The following NFIB variants were observed in gnomAD, a reference collection of about 807,000 sequenced individuals.
The protein encoded by NFIB is nuclear factor I B, also known as nuclear factor 1 B-type.
Under a neutral mutation model 61.5 loss-of-function variants are expected in NFIB, and 11 were observed. The ratio of observed to expected loss-of-function variants is 0.18; its 90% confidence interval spans 0.11 to 0.30. The LOEUF (loss-of-function observed/expected upper bound fraction) is 0.30, where lower values mean the gene tolerates loss of function less well. NFIB is among the 10% of genes least tolerant of loss of function. The pLI is 1.00. For synonymous variants in NFIB, 260 were observed against 216.5 expected, an observed-to-expected ratio of 1.20 and a Z score of -1.76; for missense variants, 471 against 608.9, an observed-to-expected ratio of 0.77 and a Z score of 2.38.
chr9:14,499,157 C>T, the NFIB span, among the ~76,000 whole-genome samples: 1 of 151,992 alleles, frequency 6.6e-6, no homozygotes, highest in African/African-American at 2.4e-5. Context: ...CCATTTATGC[C>T]AGCAAATATA....
intron 1 of NFIB, among the ~76,000 whole-genome samples, chr9:14,350,280 G>A (rs2061090672): frequency 6.6e-6 from 1 of 152,208 alleles, no homozygotes; most frequent in African/African-American, 2.4e-5. Flanking sequence ...AAGTGGTTAG[G>A]CATTCAGGGC....
chr9:14,226,983 C>CAA (rs112417105), intron 2 of NFIB, among the ~76,000 whole-genome samples: 2 of 150,726 alleles, frequency 1.3e-5, no homozygotes, highest in Non-Finnish European at 3.0e-5. Flanking sequence ...CTAATAAATA[C>CAA]AAAAAAAATT....
At chr9:14,495,446 C>CTGTTTTTTTTTT in the NFIB span, among the ~76,000 whole-genome samples, 1 of 117,264 alleles carries the variant, frequency 8.5e-6, no homozygotes, top group Non-Finnish European at 1.7e-5. Flanking sequence ...GAGAAATGAA[C>CTGTTTTTTTTTT]TTTTTTTTTT....
chr9:14,249,288 G>A (rs1053736778), intron 2 of NFIB, among the ~76,000 whole-genome samples: 3 of 152,108 alleles, frequency 2.0e-5, no homozygotes, highest in Non-Finnish European at 4.4e-5. Flanking sequence ...TAAACAAATT[G>A]CCCAAGTTTA....
the NFIB span, among the ~76,000 whole-genome samples, chr9:14,407,164 G>T: frequency 2.6e-5 from 4 of 152,008 alleles, no homozygotes; most frequent in African/African-American, 9.7e-5. Context: ...AACCTTCCTC[G>T]ACACAGTCAT....
At chr9:14,260,323 C>G (rs865934662) in intron 2 of NFIB, among the ~76,000 whole-genome samples, 1 of 152,282 alleles carries the variant, frequency 6.6e-6, no homozygotes, top group African/African-American at 2.4e-5. Flanking sequence ...GAGGCCCAAT[C>G]CAAGCACTCA....
chr9:14,457,870 A>C, the NFIB span, among the ~76,000 whole-genome samples: 1 of 152,206 alleles, frequency 6.6e-6, no homozygotes, highest in Non-Finnish European at 1.5e-5. Flanking sequence ...TTGAGGCAAT[A>C]ATTAATAGCT....
intron 1 of NFIB, among the ~76,000 whole-genome samples, chr9:14,394,997 G>T (rs1454306873): frequency 1.3e-5 from 2 of 151,984 alleles, no homozygotes; most frequent in African/African-American, 4.8e-5. Flanking sequence ...ACCTCCTCTG[G>T]TCCACTCAAT....
At chr9:14,182,146 G>A (rs972607919) in intron 2 of NFIB, among the ~76,000 whole-genome samples, 2 of 152,082 alleles carry the variant, frequency 1.3e-5, no homozygotes, top group Admixed American at 6.6e-5. Context: ...TCCAACAACT[G>A]CAGACCAACT....
At chr9:14,324,409 C>G (rs918192427) in intron 1 of NFIB, among the ~76,000 whole-genome samples, 3 of 152,136 alleles carry the variant, frequency 2.0e-5, no homozygotes, top group Admixed American at 1.3e-4. Context: ...GTAACACTTG[C>G]ATGGGCAGTG....
chr9:14,319,979 TAACTACAC>T (rs796681594), intron 1 of NFIB, among the ~76,000 whole-genome samples: 20 of 152,364 alleles, frequency 1.3e-4, no homozygotes, highest in African/African-American at 4.3e-4. Flanking sequence ...TCTGAAATTT[TAACTACAC>T]AAGCCAATAA....
In NFIB at chr9:14,141,532, A is replaced by G. The variant is rs146672710; in HGVS notation, c.925+5157T>C. On this transcript the variant is annotated intron_variant, in intron 6 of 10. Transcript: ENST00000380953. ...ATAATCTTATTTATTTTAGTCCCCG[A>G]TTTTTCTAAATAGTAAAAGTTACTT... Among the ~76,000 whole-genome samples the G allele has an allele frequency of 5.5e-3, 837 of 152,130 alleles. 9 individuals are homozygous for G. The highest frequency in any genetic ancestry group is 0.018 in the African/African-American group (733 of 41,520).
At position 14,082,336 on chromosome 9, in the gene NFIB, T is replaced by C. The variant is rs1008246243; in HGVS notation, c.*5973A>G. On this transcript the variant is annotated 3_prime_UTR_variant, in exon 11 of 11. Transcript: ENST00000380953. Reference sequence around the variant, plus strand: ...AAGCAATAACTGACTACTCGTCACCTACAGTTGTACTAAATGTATCTAAAG... The same window carrying C: ...AAGCAATAACTGACTACTCGTCACCCACAGTTGTACTAAATGTATCTAAAG... The C allele has an allele frequency of 4.9e-6, 1 of 205,280 alleles. No homozygotes were observed. Among genetic ancestry groups the C allele is most frequent in the Admixed American group, 6.0e-5 (1 of 16,784 alleles). 12.7% of individuals were successfully genotyped at this position (205,280 alleles called of 1,614,324 possible).
At chr9:14,257,642 G>A (rs1213441034) in intron 2 of NFIB, among the ~76,000 whole-genome samples, 2 of 152,138 alleles carry the variant, frequency 1.3e-5, no homozygotes, top group African/African-American at 4.8e-5. Context: ...TGTAATCCCA[G>A]CTACTTGGGA....
the NFIB span, among the ~76,000 whole-genome samples, chr9:14,414,159 C>T: frequency 0.18 from 28,031 of 151,922 alleles, 2,729 homozygotes; most frequent in African/African-American, 0.21. Context: ...AGATATGGGC[C>T]GGGTGTGGTG....
chr9:14,301,381 C>G (rs564027360), intron 2 of NFIB, among the ~76,000 whole-genome samples: 2 of 152,124 alleles, frequency 1.3e-5, no homozygotes, highest in Admixed American at 6.5e-5. Flanking sequence ...ATCTGTAAAT[C>G]CAAATACATA....
At chr9:14,176,766 G>T (rs2046232233) in intron 3 of NFIB, among the ~76,000 whole-genome samples, 1 of 152,088 alleles carries the variant, frequency 6.6e-6, no homozygotes, top group African/African-American at 2.4e-5. Flanking sequence ...CTCAAAGTCA[G>T]ACATTCAAGC....
At chr9:14,516,466 T>C in the NFIB span, among the ~76,000 whole-genome samples, 1 of 152,148 alleles carries the variant, frequency 6.6e-6, no homozygotes, top group Non-Finnish European at 1.5e-5. Context: ...GTTTCTCTGT[T>C]ATCTCAAAAA....
intron 2 of NFIB, among the ~76,000 whole-genome samples, chr9:14,243,497 G>A (rs2054560176): frequency 6.6e-6 from 1 of 151,810 alleles, no homozygotes; most frequent in Non-Finnish European, 1.5e-5. Context: ...GTTTGGGGGT[G>A]GAATTGTTTT....
Sources: allele counts gnomAD v4.1 joint callset (sites outside exome capture counted in the v4.1 genomes callset), GRCh38; gene constraint gnomAD v4.1.1; transcripts MANE v1.5; gene names NCBI Gene and HGNC (gene_info 2026-07-23, HGNC 2026-07-21).